The following TBC1D30 variants were observed in gnomAD, a reference collection of about 807,000 sequenced individuals.
TBC1D30 encodes the protein TBC1 domain family, member 30.
Under a neutral mutation model 63.2 loss-of-function variants are expected in TBC1D30, and 31 were observed. The observed-to-expected ratio is 0.49, with a 90% CI of 0.37 to 0.66. The LOEUF (loss-of-function observed/expected upper bound fraction) is 0.66, where lower values mean the gene tolerates loss of function less well. Among genes scored for constraint, TBC1D30 ranks in the 30% least tolerant of loss-of-function variants. TBC1D30 has a pLI of 0.00. For synonymous variants in TBC1D30, 307 were observed against 361.5 expected (o/e 0.85, Z 1.71); for missense variants, 810 against 953.6 (o/e 0.85, Z 1.98).
exon 1 of TBC1D30, chr12:64,780,895 G>C (rs1871235747): frequency 9.7e-7 from 1 of 1,026,752 alleles, no homozygotes; most frequent in Non-Finnish European, 1.2e-6. Flanking sequence ...CGAGGCTGGA[G>C]AGTCAGGAGG....
upstream of TBC1D30, among the ~76,000 whole-genome samples, chr12:64,823,829 G>T (rs1302249897): frequency 1.3e-5 from 2 of 152,058 alleles, no homozygotes; most frequent in African/African-American, 4.8e-5. Context: ...TTAATATAGT[G>T]TTATTCCAGA....
chr12:64,816,172 A>G (rs924502438), intron 2 of TBC1D30, among the ~76,000 whole-genome samples: 2 of 151,976 alleles, frequency 1.3e-5, no homozygotes, highest in Non-Finnish European at 2.9e-5. Context: ...AGCAGGGATT[A>G]TAGGCATGCA....
intron 2 of TBC1D30, among the ~76,000 whole-genome samples, chr12:64,796,265 T>A (rs1229788571): frequency 6.6e-6 from 1 of 152,088 alleles, no homozygotes; most frequent in Non-Finnish European, 1.5e-5. Context: ...TAGAAATTTT[T>A]AAAAAATGAT....
chr12:64,851,511 G>A (rs1414738473), intron 8 of TBC1D30, among the ~76,000 whole-genome samples: 2 of 152,208 alleles, frequency 1.3e-5, no homozygotes, highest in Non-Finnish European at 2.9e-5. Flanking sequence ...TTTAATTGGG[G>A]CATTTAGCCC....
At position 64,876,990 on chromosome 12, in the gene TBC1D30, G is replaced by C; in HGVS notation, c.*1202G>C. 1 of 450,148 alleles carries C rather than the reference G, an allele frequency of 2.2e-6. No homozygotes were observed. The highest frequency in any genetic ancestry group is 4.5e-6 in the Non-Finnish European group (1 of 223,346). 27.9% of individuals were successfully genotyped at this position (450,148 alleles called of 1,614,324 possible). ...AGCCACATTTCCTTCAGTGCAATAGGTGGGTTTAATGCTCTTTGTACACAG... is the reference window on the plus strand; with the variant it reads ...AGCCACATTTCCTTCAGTGCAATAGCTGGGTTTAATGCTCTTTGTACACAG... On this transcript the variant is annotated 3_prime_UTR_variant, in exon 12 of 12. Coordinates refer to ENST00000539867, the MANE Select transcript of TBC1D30 (RefSeq NM_015279.2).
At chr12:64,848,500 C>T (rs1876586617) in intron 8 of TBC1D30, among the ~76,000 whole-genome samples, 1 of 152,100 alleles carries the variant, frequency 6.6e-6, no homozygotes, top group Non-Finnish European at 1.5e-5. Flanking sequence ...GTTCAGCTCC[C>T]ACTTATAAGT....
chr12:64,822,419 G>C (rs1873938770), upstream of TBC1D30, among the ~76,000 whole-genome samples: 1 of 152,136 alleles, frequency 6.6e-6, no homozygotes, highest in Non-Finnish European at 1.5e-5. Context: ...GGCCTCAAGT[G>C]ATTGTCCCAC....
chr12:64,826,844 C>A (rs1448699481), intron 1 of TBC1D30, among the ~76,000 whole-genome samples: 1 of 152,154 alleles, frequency 6.6e-6, no homozygotes, highest in Non-Finnish European at 1.5e-5. Flanking sequence ...TCCAAGAACA[C>A]CTGCATACTG....
intron 8 of TBC1D30, among the ~76,000 whole-genome samples, chr12:64,844,346 A>G (rs918850175): frequency 2.0e-5 from 3 of 152,228 alleles, no homozygotes; most frequent in Non-Finnish European, 4.4e-5. Flanking sequence ...TAGCTGTCTT[A>G]TTAACACTCA....
chr12:64,829,488 T>C (rs1214396775), intron 3 of TBC1D30, among the ~76,000 whole-genome samples: 1 of 151,940 alleles, frequency 6.6e-6, no homozygotes, highest in East Asian at 1.9e-4. Context: ...GAGGAGTAGG[T>C]GAGGTGTGTG....
In TBC1D30 at chr12:64,852,451, G is replaced by T. The variant is rs146457260; in HGVS notation, c.1038+8966G>T. On this transcript the variant is annotated intron_variant, in intron 8 of 11. Transcript: ENST00000539867. ...CTTCATGGTTCTTTAGCTCAGAGGA[G>T]TTTATTATTACCCACCTTCTGAAGC... Among the ~76,000 whole-genome samples the T allele has an allele frequency of 1.6e-3, 250 of 152,186 alleles. 1 individual carries two copies. The highest frequency in any genetic ancestry group is 5.8e-3 in the African/African-American group (242 of 41,532).
intron 5 of TBC1D30, among the ~76,000 whole-genome samples, chr12:64,832,509 A>G (rs1397714236): frequency 6.6e-6 from 1 of 152,264 alleles, no homozygotes; most frequent in African/African-American, 2.4e-5. Context: ...ATGATTATGT[A>G]TTTAGTCTCA....
rs934117531 is a variant in TBC1D30 at position 64,875,046 on chromosome 12, C to A, written c.1544C>A (p.Ser515Tyr). The A allele has an allele frequency of 5.9e-6, 9 of 1,536,730 alleles. No homozygotes were observed. In the South Asian group the frequency reaches 7.1e-5, roughly 12 times the overall value. ...TSILPSQVNS[S>Y]PVINHLLLGK... ...ATTCTCCCGTCTCAGGTAAACAGTT[C>A]TCCAGTTATAAACCACCTTCTTTTA... Residue 515 changes from serine (S) to tyrosine (Y), a missense_variant, in exon 12 of 12, where the codon TCT becomes TAT. Ser to Tyr is a moderately radical substitution (Grantham distance 144). Coordinates refer to ENST00000539867, the MANE Select transcript of TBC1D30 (RefSeq NM_015279.2).
intron 1 of TBC1D30, among the ~76,000 whole-genome samples, chr12:64,769,542 A>ATT (rs35063952): frequency 5.3e-5 from 7 of 133,106 alleles, no homozygotes; most frequent in Non-Finnish European, 9.7e-5. Context: ...ACGCTGGGCT[A>ATT]TTTTTTTTTT....
intron 2 of TBC1D30, among the ~76,000 whole-genome samples, chr12:64,807,565 T>C (rs1462904584): frequency 6.6e-6 from 1 of 152,150 alleles, no homozygotes; most frequent in East Asian, 1.9e-4. Context: ...GAAAAAAAGA[T>C]GCTCTCAAGT....
chr12:64,876,176 A>G lies in TBC1D30; in HGVS notation c.*388A>G. Reference sequence around the variant, plus strand: ...CCTTCCAGTTCTCTGGGTGTTACTAATACTCAAGCATGCACATACCAGCTT... The same window carrying G: ...CCTTCCAGTTCTCTGGGTGTTACTAGTACTCAAGCATGCACATACCAGCTT... On this transcript the variant is annotated 3_prime_UTR_variant, in exon 12 of 12. Coordinates refer to ENST00000539867, the MANE Select transcript of TBC1D30 (RefSeq NM_015279.2). 5.4e-6 allele frequency: 1 copy of G among 185,904 alleles called. No homozygotes were observed. The highest frequency in any genetic ancestry group is 1.1e-5 in the Non-Finnish European group (1 of 89,672). 11.5% of individuals were successfully genotyped at this position (185,904 alleles called of 1,614,324 possible).
rs1878980172 is a variant in TBC1D30 at position 64,875,412 on chromosome 12, C to T, written c.1910C>T (p.Ser637Phe). 6.5e-7 allele frequency: 1 copy of T among 1,536,076 alleles called. No homozygotes were observed. Among genetic ancestry groups the T allele is most frequent in the Non-Finnish European group, 8.7e-7 (1 of 1,146,942 alleles). ...GSTRRTIEGQ[S>F]PEPVFGDADV... ...ACCAGGAGGACGATCGAGGGGCAGTCTCCGGAGCCGGTGTTCGGAGATGCT... is the reference window on the plus strand; with the variant it reads ...ACCAGGAGGACGATCGAGGGGCAGTTTCCGGAGCCGGTGTTCGGAGATGCT... The change falls in exon 12 of 12, where the codon TCT becomes TTT. Residue 637 changes from serine (S) to phenylalanine (F), a missense_variant. Transcript: ENST00000539867.
intron 8 of TBC1D30, among the ~76,000 whole-genome samples, chr12:64,858,236 A>C (rs1167167500): frequency 6.6e-6 from 1 of 152,202 alleles, no homozygotes; most frequent in Non-Finnish European, 1.5e-5. Context: ...ACAAACATTT[A>C]TTGAGAATCC....
chr12:64,856,045 G>A (rs989477214), intron 8 of TBC1D30, among the ~76,000 whole-genome samples: 1 of 152,132 alleles, frequency 6.6e-6, no homozygotes, highest in African/African-American at 2.4e-5. Flanking sequence ...GGCTGTATAA[G>A]CAGCATGACC....
Sources: allele counts gnomAD v4.1 joint callset (sites outside exome capture counted in the v4.1 genomes callset), GRCh38; gene constraint gnomAD v4.1.1; transcripts MANE v1.5; gene names NCBI Gene and HGNC (gene_info 2026-07-23, HGNC 2026-07-21).